Variants in ZCCHC7 observed in about 807,000 individuals in gnomAD.
The protein encoded by ZCCHC7 is zinc finger CCHC-type containing 7.
Under a neutral mutation model 52.0 loss-of-function variants are expected in ZCCHC7, and 35 were observed. That is an observed-to-expected ratio of 0.67 (90% CI 0.51 to 0.89). The LOEUF is 0.89. Ranked by LOEUF, ZCCHC7 falls within the 40% of genes least tolerant of loss-of-function variation. The pLI, the probability that ZCCHC7 is intolerant of heterozygous loss-of-function variation, is 0.00. For missense variants in ZCCHC7, 574 were observed against 649.1 expected (o/e 0.88, Z 1.26); for synonymous variants, 217 against 221.5 (o/e 0.98, Z 0.18).
At chr9:37,140,835 T>C (rs771460726) in intron 2 of ZCCHC7, among the ~76,000 whole-genome samples, 9 of 151,960 alleles carry the variant, frequency 5.9e-5, no homozygotes, top group Non-Finnish European at 1.3e-4. Context: ...AGGGCCTTCA[T>C]TGTGTTAAAT....
At chr9:37,331,867 G>A (rs998014596) in intron 6 of ZCCHC7, among the ~76,000 whole-genome samples, 2 of 151,340 alleles carry the variant, frequency 1.3e-5, no homozygotes, top group African/African-American at 2.4e-5. Flanking sequence ...TTCTCTGTGT[G>A]CGCTTTGGTG....
intron 2 of ZCCHC7, among the ~76,000 whole-genome samples, chr9:37,191,148 A>G (rs1405138353): frequency 6.6e-6 from 1 of 152,178 alleles, no homozygotes; most frequent in Non-Finnish European, 1.5e-5. Flanking sequence ...ACTTGAAGCT[A>G]TTGCAACTTT....
At chr9:37,286,764 A>G (rs921318185) in intron 2 of ZCCHC7, among the ~76,000 whole-genome samples, 2 of 150,984 alleles carry the variant, frequency 1.3e-5, no homozygotes, top group Non-Finnish European at 1.5e-5. Flanking sequence ...TTCTTTTTTT[A>G]TTAATTTAAT....
chr9:37,153,149 T>G (rs919072784), intron 2 of ZCCHC7, among the ~76,000 whole-genome samples: 8 of 151,334 alleles, frequency 5.3e-5, no homozygotes, highest in African/African-American at 2.0e-4. Flanking sequence ...TTATTTTTAT[T>G]TACTATTATT....
intron 2 of ZCCHC7, among the ~76,000 whole-genome samples, chr9:37,199,368 G>C: frequency 8.7e-6 from 1 of 114,448 alleles, no homozygotes; most frequent in Non-Finnish European, 1.7e-5. Context: ...CTTCACTCTT[G>C]TTGCCCAGGC....
intron 2 of ZCCHC7, among the ~76,000 whole-genome samples, chr9:37,232,636 TC>T (rs771098839): frequency 5.3e-5 from 8 of 152,192 alleles, no homozygotes; most frequent in Non-Finnish European, 1.5e-5. Context: ...ACATGAAAAT[TC>T]TATGAAATTC....
intron 1 of ZCCHC7, among the ~76,000 whole-genome samples, chr9:37,123,387 G>A (rs1359196070): frequency 6.6e-6 from 1 of 152,146 alleles, no homozygotes; most frequent in East Asian, 1.9e-4. Flanking sequence ...AAGAGAGCAC[G>A]TTATGCCCAG....
chr9:37,256,204 C>T (rs1413517713), intron 2 of ZCCHC7, among the ~76,000 whole-genome samples: 1 of 151,856 alleles, frequency 6.6e-6, no homozygotes, highest in Non-Finnish European at 1.5e-5. Flanking sequence ...TTGTTTTTTT[C>T]CCCAGATTGT....
intron 2 of ZCCHC7, among the ~76,000 whole-genome samples, chr9:37,218,638 G>A (rs146308372): frequency 9.5e-4 from 145 of 152,182 alleles, no homozygotes; most frequent in African/African-American, 3.4e-3. Context: ...GTGAAACCCT[G>A]TCTCTACTAA....
intron 2 of ZCCHC7, among the ~76,000 whole-genome samples, chr9:37,167,094 C>T (rs917842308): frequency 6.6e-6 from 1 of 152,054 alleles, no homozygotes; most frequent in African/African-American, 2.4e-5. Context: ...TACTAGGCTG[C>T]TTGAAGTTGT....
intron 2 of ZCCHC7, among the ~76,000 whole-genome samples, chr9:37,178,998 C>G (rs1822205950): frequency 1.3e-5 from 2 of 152,030 alleles, no homozygotes; most frequent in African/African-American, 4.8e-5. Flanking sequence ...GTTTGACTGT[C>G]TATTCTTGAT....
intron 2 of ZCCHC7, among the ~76,000 whole-genome samples, chr9:37,296,719 C>T (rs1022051491): frequency 6.6e-5 from 10 of 152,176 alleles, no homozygotes; most frequent in South Asian, 2.1e-4. Context: ...TTATTTATCG[C>T]GAAGGTTGTC....
intron 2 of ZCCHC7, among the ~76,000 whole-genome samples, chr9:37,206,352 C>G (rs942442035): frequency 6.6e-6 from 1 of 150,958 alleles, no homozygotes; most frequent in African/African-American, 2.4e-5. Flanking sequence ...TCTTCCCTCC[C>G]GCCTTCACCT....
At chr9:37,230,245 T>C (rs767653303) in intron 2 of ZCCHC7, among the ~76,000 whole-genome samples, 1 of 152,254 alleles carries the variant, frequency 6.6e-6, no homozygotes, top group Non-Finnish European at 1.5e-5. Context: ...TCAAGTATTA[T>C]GTACTGTGCA....
chr9:37,276,126 A>G (rs1344592034), intron 2 of ZCCHC7, among the ~76,000 whole-genome samples: 1 of 152,238 alleles, frequency 6.6e-6, no homozygotes, highest in South Asian at 2.1e-4. Context: ...CCAGATGACT[A>G]AATGAAGTCA....
At chr9:37,240,338 T>G (rs1825823522) in intron 2 of ZCCHC7, among the ~76,000 whole-genome samples, 1 of 151,970 alleles carries the variant, frequency 6.6e-6, no homozygotes, top group African/African-American at 2.4e-5. Flanking sequence ...AAATTTATAT[T>G]TATATGTTTT....
intron 2 of ZCCHC7, among the ~76,000 whole-genome samples, chr9:37,207,966 T>A (rs1301869904): frequency 6.6e-6 from 1 of 152,234 alleles, no homozygotes; most frequent in Non-Finnish European, 1.5e-5. Flanking sequence ...AAGTTTTTGT[T>A]AAGTAAATTA....
At chr9:37,207,075 A>G (rs966156691) in intron 2 of ZCCHC7, among the ~76,000 whole-genome samples, 3 of 152,106 alleles carry the variant, frequency 2.0e-5, no homozygotes, top group African/African-American at 7.2e-5. Flanking sequence ...ACAGTGAGCT[A>G]TGATCTTACC....
intron 7 of ZCCHC7, among the ~76,000 whole-genome samples, chr9:37,352,652 G>A (rs1157847010): frequency 1.3e-5 from 2 of 151,022 alleles, no homozygotes; most frequent in Non-Finnish European, 2.9e-5. Context: ...AAGTAGCTGG[G>A]ATTACAGGCA....
Sources: gnomAD v4.1 joint callset for allele counts (sites outside exome capture counted in the v4.1 genomes callset) on GRCh38, gnomAD v4.1.1 for gene constraint, MANE v1.5 for transcripts, NCBI Gene and HGNC (gene_info 2026-07-23, HGNC 2026-07-21) for gene names.